Variants in IL33 observed in about 807,000 individuals in gnomAD.
The protein encoded by IL33 is interleukin 33, also known as interleukin-33.
IL33 carries 37 observed loss-of-function variants against 27.3 expected under a neutral mutation model. The ratio of observed to expected loss-of-function variants is 1.36; its 90% CI spans 1.04 to 1.78. The LOEUF (loss-of-function observed/expected upper bound fraction) is 1.78, where lower values mean the gene tolerates loss of function less well. Ranked by LOEUF, IL33 falls within the 40% of genes most tolerant of loss-of-function variation. The pLI is 0.00. For synonymous variants in IL33, 132 were observed against 102.9 expected (o/e 1.28, Z -1.71); for missense variants, 406 against 311.4 (o/e 1.30, Z -2.29).
chr9:6,216,191 C>G (rs1403142798), intron 1 of IL33, among the ~76,000 whole-genome samples: 1 of 152,096 alleles, frequency 6.6e-6, no homozygotes, highest in Non-Finnish European at 1.5e-5. Context: ...AGCACAGTGG[C>G]GTGATCCTAG....
At chr9:6,234,128 A>G (rs1237521017) in intron 1 of IL33, among the ~76,000 whole-genome samples, 5 of 152,204 alleles carry the variant, frequency 3.3e-5, no homozygotes, top group Non-Finnish European at 5.9e-5. Context: ...TAGATATTCC[A>G]GAGTTTCATC....
At chr9:6,215,697 A>G (rs758947968), upstream of IL33, 4 of 152,208 alleles carry the variant, frequency 2.6e-5, no homozygotes, top group Non-Finnish European at 4.4e-5. Context: ...GGCTCTTTAC[A>G]TGAGATTTCA....
At chr9:6,217,911 C>T (rs759742567) in intron 1 of IL33, among the ~76,000 whole-genome samples, 28 of 146,924 alleles carry the variant, frequency 1.9e-4, no homozygotes, top group Non-Finnish European at 3.4e-4. Context: ...GTGCTTCTCC[C>T]GCTGAAGCAT....
intron 1 of IL33, among the ~76,000 whole-genome samples, chr9:6,239,731 G>A (rs1819422119): frequency 6.6e-6 from 1 of 152,030 alleles, no homozygotes; most frequent in Admixed American, 6.6e-5. Flanking sequence ...TGGCATCCCA[G>A]ACAATGAGGC....
intron 7 of IL33, among the ~76,000 whole-genome samples, chr9:6,255,204 G>A (rs930617498): frequency 2.6e-5 from 4 of 152,160 alleles, no homozygotes; most frequent in East Asian, 1.9e-4. Flanking sequence ...CAAAGGTAGA[G>A]GCATGGAAGA....
chr9:6,240,064 T>C (rs1003408988), intron 1 of IL33, among the ~76,000 whole-genome samples: 2 of 152,184 alleles, frequency 1.3e-5, no homozygotes, highest in African/African-American at 4.8e-5. Context: ...TACTAAAGTA[T>C]AACAAAACAG....
At chr9:6,232,330 T>C (rs1461078726) in intron 1 of IL33, among the ~76,000 whole-genome samples, 1 of 152,332 alleles carries the variant, frequency 6.6e-6, no homozygotes, top group East Asian at 1.9e-4. Flanking sequence ...TCTTTGAAAA[T>C]GAAAATACCT....
At chr9:6,248,789 G>T (rs973948021) in intron 2 of IL33, among the ~76,000 whole-genome samples, 1 of 151,688 alleles carries the variant, frequency 6.6e-6, no homozygotes, top group African/African-American at 2.4e-5. Context: ...GTGTTGCCCA[G>T]GCTGGTCTTG....
chr9:6,250,325 A>T (rs1816273762), intron 2 of IL33, 149 bp from the exon 3 acceptor site: 1 of 902,378 alleles, frequency 1.1e-6, no homozygotes, highest in African/African-American at 1.7e-5. Flanking sequence ...AATCTAAAAA[A>T]CTCCGAATTT....
chr9:6,257,285 C>T lies in IL33; in HGVS notation c.*1117C>T, dbSNP rs922425656. ...TTTGTATTCCAGCTTCCTGATAACA[C>T]TGCTTACTGTGGAATATTCATTTGA... is the stretch of plus-strand genomic sequence containing the variant. On this transcript the variant is annotated 3_prime_UTR_variant, in exon 8 of 8. Transcript: ENST00000682010. 3.3e-5 allele frequency: 5 copies of T among 152,166 alleles called. No homozygotes were observed. Among genetic ancestry groups the T allele is most frequent in the African/African-American group, 9.7e-5 (4 of 41,434 alleles). The allele number at this position is 152,166 out of a possible 1,614,324, so 9.4% of individuals were successfully genotyped here.
At chr9:6,216,545 G>C (rs1818151229) in intron 1 of IL33, among the ~76,000 whole-genome samples, 1 of 152,112 alleles carries the variant, frequency 6.6e-6, no homozygotes, top group Non-Finnish European at 1.5e-5. Context: ...AGCCAGCCTG[G>C]CCAAGAGGAT....
intron 1 of IL33, among the ~76,000 whole-genome samples, chr9:6,241,275 G>C (rs1819509301): frequency 6.6e-6 from 1 of 152,156 alleles, no homozygotes; most frequent in African/African-American, 2.4e-5. Flanking sequence ...ATAGTCATTT[G>C]TTACCAAGTA....
At chr9:6,253,654 A>T (rs761484134) in intron 6 of IL33, 52 bp downstream of exon 6, 3 of 1,424,356 alleles carry the variant, frequency 2.1e-6, no homozygotes, top group African/African-American at 2.9e-5. Context: ...AGTATGGGGT[A>T]AAGATAAATC....
In IL33 at chr9:6,252,082, ACAAAACAAAAAAAC is replaced by A. The variant is rs1564073358; in HGVS notation, c.344-780_344-767del. Among the ~76,000 whole-genome samples the A allele has an allele frequency of 1.6e-3, 208 of 128,634 alleles. 13 individuals are homozygous for A. Among genetic ancestry groups the A allele is most frequent in the African/African-American group, 3.6e-3 (115 of 31,696 alleles). The allele number at this position is 128,634 out of a possible 152,430, so 84.4% of individuals were successfully genotyped here. A position where few individuals can be genotyped will look rare whatever the true frequency, so the allele number is the denominator to read the frequency against. On this transcript the variant is annotated intron_variant, in intron 4 of 7. Transcript: ENST00000682010. ...AAAAAAAAACCCAACAAAAAACAAA[ACAAAACAAAAAAAC>A]CAACTTTACCTGGAAATTGCATTTG...
intron 1 of IL33, among the ~76,000 whole-genome samples, chr9:6,230,913 G>A (rs1564055158): frequency 6.6e-6 from 1 of 152,112 alleles, no homozygotes; most frequent in African/African-American, 2.4e-5. Context: ...TTACCTATGT[G>A]ACGTTTTGCA....
In IL33 at chr9:6,256,971, T is replaced by G. The variant is rs775535668; in HGVS notation, c.*803T>G. 1 of 152,102 alleles carries G rather than the reference T, an allele frequency of 6.6e-6. No individual in the cohort carries two copies. Among genetic ancestry groups the G allele is most frequent in the African/African-American group, 2.4e-5 (1 of 41,414 alleles). The allele number at this position is 152,102 out of a possible 1,614,324, so 9.4% of individuals were successfully genotyped here. Reference sequence around the variant, plus strand: ...TAAAATTTCACTTATTAGGAATATGTAACATGCTAAAACTTTTTTTTTTTT... The same window carrying G: ...TAAAATTTCACTTATTAGGAATATGGAACATGCTAAAACTTTTTTTTTTTT... On this transcript the variant is annotated 3_prime_UTR_variant, in exon 8 of 8. Transcript: ENST00000682010.
intron 7 of IL33, among the ~76,000 whole-genome samples, chr9:6,255,497 T>C (rs1164337526): frequency 1.3e-5 from 2 of 152,190 alleles, no homozygotes; most frequent in East Asian, 1.9e-4. Context: ...AATGGAGTTG[T>C]TGTATTGGTC....
chr9:6,236,382 A>G (rs1819211302), intron 1 of IL33, among the ~76,000 whole-genome samples: 1 of 152,232 alleles, frequency 6.6e-6, no homozygotes, highest in African/African-American at 2.4e-5. Context: ...CATATTTTCT[A>G]AGTGCACATG....
At chr9:6,243,801 C>T (rs540001440) in intron 2 of IL33, among the ~76,000 whole-genome samples, 3 of 152,292 alleles carry the variant, frequency 2.0e-5, no homozygotes, top group African/African-American at 7.2e-5. Context: ...TGCTCCTTTC[C>T]ATTTCTCTGT....
Sources: allele counts gnomAD v4.1 joint callset (sites outside exome capture counted in the v4.1 genomes callset), GRCh38; gene constraint gnomAD v4.1.1; transcripts MANE v1.5; gene names NCBI Gene and HGNC (gene_info 2026-07-23, HGNC 2026-07-21).